ATP8B4: variants seen among roughly 807,000 people sequenced by gnomAD.
ATP8B4 encodes probable phospholipid-transporting ATPase IM.
A neutral mutation model predicts 145.6 loss-of-function variants in ATP8B4; 133 were observed. The ratio of observed to expected loss-of-function variants is 0.91; its 90% CI spans 0.79 to 1.05. The LOEUF (loss-of-function observed/expected upper bound fraction) is 1.05. Ranked by LOEUF, ATP8B4 falls within the 50% of genes least tolerant of loss-of-function variation. The probability of loss-of-function intolerance (pLI) is 0.00; values close to 1 mark genes in which losing one functional copy is unlikely to be tolerated. For missense variants in ATP8B4, 1,458 were observed against 1,425.2 expected (o/e 1.02, Z -0.37); for synonymous variants, 507 against 492.9 (o/e 1.03, Z -0.38).
At chr15:50,041,613 A>G (rs894672594) in intron 5 of ATP8B4, among the ~76,000 whole-genome samples, 25 of 152,302 alleles carry the variant, frequency 1.6e-4, no homozygotes, top group African/African-American at 5.8e-4. Context: ...CTTTAATGTG[A>G]TATTACTCAT....
At chr15:50,128,844 G>A (rs549473507) in intron 1 of ATP8B4, among the ~76,000 whole-genome samples, 1 of 152,268 alleles carries the variant, frequency 6.6e-6, no homozygotes, top group South Asian at 2.1e-4. Context: ...CGGAGTTCGA[G>A]AACTCACAAG....
chr15:50,044,758 C>T, intron 4 of ATP8B4, 66 bp from the exon 5 acceptor site: 1 of 1,125,714 alleles, frequency 8.9e-7, no homozygotes, highest in Non-Finnish European at 1.3e-6. Flanking sequence ...CAAACTGTGT[C>T]ATTTAATTTC....
chr15:49,983,653 G>T (rs2046347632), intron 10 of ATP8B4, among the ~76,000 whole-genome samples: 1 of 152,138 alleles, frequency 6.6e-6, no homozygotes, highest in African/African-American at 2.4e-5. Flanking sequence ...GCAAGATTAA[G>T]CTTTTCACAA....
chr15:50,180,949 A>G (rs1359023209), intron 1 of ATP8B4, among the ~76,000 whole-genome samples: 1 of 152,216 alleles, frequency 6.6e-6, no homozygotes, highest in Non-Finnish European at 1.5e-5. Context: ...ACAGAAACCT[A>G]GAGAATAGGA....
At chr15:50,032,910 A>T (rs1055623140) in intron 6 of ATP8B4, among the ~76,000 whole-genome samples, 1 of 152,172 alleles carries the variant, frequency 6.6e-6, no homozygotes, top group African/African-American at 2.4e-5. Flanking sequence ...TTGTTTTCCA[A>T]ATTTCTCTTA....
intron 2 of ATP8B4, among the ~76,000 whole-genome samples, chr15:50,095,471 T>C (rs1373073404): frequency 6.6e-6 from 1 of 152,120 alleles, no homozygotes; most frequent in East Asian, 1.9e-4. Context: ...AAACAGATAA[T>C]GAGGTTGAAC....
At chr15:50,125,054 C>A (rs528323995) in intron 1 of ATP8B4, among the ~76,000 whole-genome samples, 1 of 152,308 alleles carries the variant, frequency 6.6e-6, no homozygotes, top group East Asian at 1.9e-4. Flanking sequence ...AGTATAGTAT[C>A]TTCTTTGCAC....
intron 1 of ATP8B4, among the ~76,000 whole-genome samples, chr15:50,158,958 C>T (rs936328669): frequency 6.6e-6 from 1 of 152,222 alleles, no homozygotes; most frequent in Non-Finnish European, 1.5e-5. Flanking sequence ...CCCAAGGACA[C>T]AAACACTGCG....
chr15:49,920,450 C>T, intron 17 of ATP8B4, 40 bp from the exon 18 acceptor site: 5 of 1,552,286 alleles, frequency 3.2e-6, no homozygotes, highest in African/African-American at 2.8e-5. Flanking sequence ...ATCAAAGAAA[C>T]AATAAGCACA....
intron 6 of ATP8B4, among the ~76,000 whole-genome samples, chr15:50,017,369 G>A (rs192789049): frequency 1.3e-5 from 2 of 152,266 alleles, no homozygotes; most frequent in Admixed American, 1.3e-4. Context: ...TTTAAAAAAT[G>A]TACAATCACC....
intron 20 of ATP8B4, among the ~76,000 whole-genome samples, chr15:49,909,174 C>T (rs1298988084): frequency 1.3e-5 from 2 of 152,098 alleles, no homozygotes; most frequent in Admixed American, 6.5e-5. Flanking sequence ...AGCATACCAC[C>T]TAGGGGCCTG....
chr15:49,963,081 G>A (rs187362155), intron 13 of ATP8B4, among the ~76,000 whole-genome samples: 10 of 151,710 alleles, frequency 6.6e-5, no homozygotes, highest in East Asian at 1.9e-4. Context: ...GAAAAAACCC[G>A]ACAACCGCCA....
At chr15:50,138,143 A>T (rs1270235465) in intron 1 of ATP8B4, among the ~76,000 whole-genome samples, 1 of 152,116 alleles carries the variant, frequency 6.6e-6, no homozygotes, top group African/African-American at 2.4e-5. Flanking sequence ...CAATCTTTCC[A>T]GAAGGCAGCA....
chr15:49,977,944 T>C (rs1280520572), intron 12 of ATP8B4, among the ~76,000 whole-genome samples: 1 of 152,120 alleles, frequency 6.6e-6, no homozygotes, highest in African/African-American at 2.4e-5. Context: ...CACACAGCTA[T>C]TAGTGGCAGT....
At chr15:50,042,803 A>G (rs1029021265) in intron 5 of ATP8B4, among the ~76,000 whole-genome samples, 1 of 152,234 alleles carries the variant, frequency 6.6e-6, no homozygotes, top group Non-Finnish European at 1.5e-5. Context: ...CAACCATGAA[A>G]AAGTATGTCT....
chr15:49,919,646 G>T (rs1251604809), intron 18 of ATP8B4, among the ~76,000 whole-genome samples: 1 of 151,990 alleles, frequency 6.6e-6, no homozygotes. Flanking sequence ...CTCCATCTCC[G>T]GACCTCGTGA....
intron 24 of ATP8B4, among the ~76,000 whole-genome samples, chr15:49,878,415 A>C (rs1292444054): frequency 2.0e-5 from 3 of 152,214 alleles, no homozygotes; most frequent in African/African-American, 7.2e-5. Context: ...GAGTGAGCTC[A>C]TAATGTGAAG....
rs553756687 is a variant in ATP8B4, at chr15:50,075,405, A to G, written c.29-1220T>C. The stretch of plus-strand genomic sequence containing the variant: ...ATCTCTCTGTAGCCCTGGTGGTTCA[A>G]CTCCCAAGACTGAAGGTCACCTCTA... On this transcript the variant is annotated intron_variant, in intron 2 of 27. Coordinates refer to ENST00000284509, the MANE Select transcript of ATP8B4 (RefSeq NM_024837.4). Among the ~76,000 whole-genome samples the G allele has an allele frequency of 7.5e-4, 114 of 152,228 alleles. 1 individual carries two copies. The highest frequency in any genetic ancestry group is 2.6e-3 in the African/African-American group (110 of 41,530).
chr15:49,860,527 A>AGT (rs2031464992), intron 27 of ATP8B4, 52 bp from the exon 28 acceptor site: 1 of 1,513,732 alleles, frequency 6.6e-7, no homozygotes, highest in Non-Finnish European at 8.8e-7. Context: ...GATAGACTCC[A>AGT]GGCAGTGGCC....
Sources: allele counts gnomAD v4.1 joint callset (sites outside exome capture counted in the v4.1 genomes callset), GRCh38; gene constraint gnomAD v4.1.1; transcripts MANE v1.5; gene names NCBI Gene and HGNC (gene_info 2026-07-23, HGNC 2026-07-21).